The following ARHGAP24 variants were observed in gnomAD, a reference collection of about 807,000 sequenced individuals.
The protein encoded by ARHGAP24 is rho GTPase-activating protein 24.
ARHGAP24 carries 50 observed loss-of-function variants against 76.4 expected under a neutral mutation model. The observed-to-expected ratio is 0.65, with a 90% CI of 0.52 to 0.83. The LOEUF is 0.83. ARHGAP24 is among the 40% of genes least tolerant of loss of function. The pLI is 0.00. For missense variants in ARHGAP24, 930 were observed against 914.2 expected (o/e 1.02, Z -0.22); for synonymous variants, 345 against 323.3 (o/e 1.07, Z -0.72).
chr4:85,562,184 G>T (rs896939757), intron 1 of ARHGAP24, among the ~76,000 whole-genome samples: 2 of 152,146 alleles, frequency 1.3e-5, no homozygotes, highest in African/African-American at 2.4e-5. Context: ...GACTTGATTT[G>T]CTTTCTAAAA....
chr4:85,765,513 A>G (rs1046301731), intron 3 of ARHGAP24, among the ~76,000 whole-genome samples: 3 of 152,130 alleles, frequency 2.0e-5, no homozygotes, highest in South Asian at 2.1e-4. Flanking sequence ...AAAAGGGTTT[A>G]TATATTTTCT....
At chr4:85,981,476 A>C (rs192233464) in intron 8 of ARHGAP24, among the ~76,000 whole-genome samples, 9 of 152,284 alleles carry the variant, frequency 5.9e-5, no homozygotes, top group Admixed American at 3.9e-4. Flanking sequence ...GAAGATTAGC[A>C]TAACTCAGTG....
intron 2 of ARHGAP24, among the ~76,000 whole-genome samples, chr4:85,611,293 G>C (rs1313480077): frequency 6.6e-6 from 1 of 152,150 alleles, no homozygotes; most frequent in Non-Finnish European, 1.5e-5. Context: ...AATGTAGGGA[G>C]TTGAACAATA....
Position 85,995,511 on chromosome 4 carries a change from A to C in ARHGAP24, c.1857A>C (p.Arg619=), listed in dbSNP as rs1192960537. The C allele has an allele frequency of 5.6e-6, 9 of 1,604,122 alleles. No homozygotes were observed. In the South Asian group the frequency reaches 9.0e-5, roughly 16 times the overall value. Residue 619 remains arginine, a synonymous_variant, in exon 9 of 10, where the codon CGA becomes CGC. Coordinates refer to ENST00000395184, the MANE Select transcript of ARHGAP24 (RefSeq NM_001025616.3). ...SKSDHRSVGG[R]SSRATSSSDN... is the part of the protein sequence containing the mutation. Reference sequence around the variant, plus strand: ...GTGACCACAGGAGTGTGGGAGGTCGAAGTAGTCGTGCCACCAGTAGCAGTG... The same window carrying C: ...GTGACCACAGGAGTGTGGGAGGTCGCAGTAGTCGTGCCACCAGTAGCAGTG...
chr4:85,968,706 C>T (rs1738777846), intron 5 of ARHGAP24, among the ~76,000 whole-genome samples: 1 of 152,046 alleles, frequency 6.6e-6, no homozygotes, highest in Non-Finnish European at 1.5e-5. Flanking sequence ...ATATTAGATT[C>T]TATCCAGAAA....
chr4:85,511,433 CTTTAT>C (rs551555366), intron 1 of ARHGAP24, among the ~76,000 whole-genome samples: 110 of 151,674 alleles, frequency 7.3e-4, no homozygotes, highest in African/African-American at 2.3e-3. Flanking sequence ...AATTCACTGT[CTTTAT>C]TTTATTTTAT....
intron 2 of ARHGAP24, among the ~76,000 whole-genome samples, chr4:85,622,686 T>C (rs1720765233): frequency 6.6e-6 from 1 of 152,230 alleles, no homozygotes; most frequent in South Asian, 2.1e-4. Flanking sequence ...TCTTCCACAA[T>C]GGTTGAACTA....
chr4:85,690,326 A>T (rs1428599173), intron 2 of ARHGAP24, among the ~76,000 whole-genome samples: 1 of 152,136 alleles, frequency 6.6e-6, no homozygotes, highest in Admixed American at 6.5e-5. Context: ...CAGCTCATAG[A>T]ATGAGTTAGG....
chr4:85,952,099 C>T (rs922351462), intron 5 of ARHGAP24, among the ~76,000 whole-genome samples: 3 of 152,040 alleles, frequency 2.0e-5, no homozygotes, highest in Admixed American at 6.6e-5. Flanking sequence ...ATTCGACACT[C>T]CAGAGAGCTC....
At chr4:85,791,626 T>A (rs1026165307) in intron 3 of ARHGAP24, among the ~76,000 whole-genome samples, 1 of 152,186 alleles carries the variant, frequency 6.6e-6, no homozygotes, top group Non-Finnish European at 1.5e-5. Context: ...GTGCAATGAT[T>A]GGGGTCATCG....
chr4:85,840,582 T>C (rs577945580), intron 3 of ARHGAP24, among the ~76,000 whole-genome samples: 104 of 152,342 alleles, frequency 6.8e-4, no homozygotes, highest in African/African-American at 2.4e-3. Flanking sequence ...GATCCAGGGT[T>C]TTGCTTAGTT....
chr4:85,785,220 A>G (rs1236039359), intron 3 of ARHGAP24, among the ~76,000 whole-genome samples: 2 of 152,110 alleles, frequency 1.3e-5, no homozygotes, highest in African/African-American at 4.8e-5. Context: ...AGCATTTCCC[A>G]TATATTGTTC....
intron 2 of ARHGAP24, among the ~76,000 whole-genome samples, chr4:85,677,229 T>A (rs1039989517): frequency 4.6e-5 from 7 of 152,242 alleles, no homozygotes; most frequent in African/African-American, 1.2e-4. Flanking sequence ...AACATCTTAA[T>A]GAGCTTTTAA....
chr4:85,598,720 A>C (rs568105185), intron 2 of ARHGAP24, among the ~76,000 whole-genome samples: 1 of 151,228 alleles, frequency 6.6e-6, no homozygotes, highest in Admixed American at 6.6e-5. Flanking sequence ...TATTTGAAGG[A>C]ATTTTTGAAA....
At chr4:85,778,733 G>T in intron 3 of ARHGAP24, 1 of 985,344 alleles carries the variant, frequency 1.0e-6, no homozygotes, top group South Asian at 4.7e-5. Flanking sequence ...CTAAGTCTGA[G>T]AAGGAGGAGA....
chr4:85,760,785 C>T (rs1246755989), intron 3 of ARHGAP24, among the ~76,000 whole-genome samples: 1 of 152,180 alleles, frequency 6.6e-6, no homozygotes, highest in Non-Finnish European at 1.5e-5. Context: ...TTTAGCCATT[C>T]TTACATATTG....
intron 3 of ARHGAP24, among the ~76,000 whole-genome samples, chr4:85,747,329 T>C (rs1726079222): frequency 6.6e-6 from 1 of 152,208 alleles, no homozygotes; most frequent in African/African-American, 2.4e-5. Flanking sequence ...GTTAGATATC[T>C]TTTGTATTTT....
chr4:85,727,318 CTCAT>C (rs1354216784), intron 3 of ARHGAP24, among the ~76,000 whole-genome samples: 2 of 152,084 alleles, frequency 1.3e-5, no homozygotes, highest in Non-Finnish European at 1.5e-5. Flanking sequence ...TCTTTCCAGA[CTCAT>C]TCATTAAGAA....
intron 2 of ARHGAP24, among the ~76,000 whole-genome samples, chr4:85,712,460 G>A (rs977971757): frequency 2.0e-5 from 3 of 152,176 alleles, no homozygotes; most frequent in Non-Finnish European, 4.4e-5. Context: ...TCCCTTGGCT[G>A]TTGTAACAGA....
Sources: allele counts gnomAD v4.1 joint callset (sites outside exome capture counted in the v4.1 genomes callset), GRCh38; gene constraint gnomAD v4.1.1; transcripts MANE v1.5; gene names NCBI Gene and HGNC (gene_info 2026-07-23, HGNC 2026-07-21).